Variants in DCC observed in about 807,000 individuals in gnomAD.
The protein encoded by DCC is netrin receptor DCC.
Under a neutral mutation model 172.5 loss-of-function variants are expected in DCC, and 58 were observed. The ratio of observed to expected loss-of-function variants is 0.34; its 90% CI spans 0.27 to 0.42. The LOEUF (loss-of-function observed/expected upper bound fraction) is 0.42, where lower values mean the gene tolerates loss of function less well. Among genes scored for constraint, DCC ranks in the 10% least tolerant of loss-of-function variants. The pLI, the probability that DCC is intolerant of heterozygous loss-of-function variation, is 1.00. For synonymous variants in DCC, 709 were observed against 644.5 expected (o/e 1.10, Z -1.52); for missense variants, 1,740 against 1,791.0 (o/e 0.97, Z 0.51).
At chr18:53,233,059 T>C (rs906383256) in intron 12 of DCC, among the ~76,000 whole-genome samples, 2 of 152,172 alleles carry the variant, frequency 1.3e-5, no homozygotes, top group African/African-American at 4.8e-5. Flanking sequence ...TTTTTGCCTT[T>C]ATACTATCAT....
intron 2 of DCC, among the ~76,000 whole-genome samples, chr18:52,788,913 G>A (rs2037710161): frequency 6.6e-6 from 1 of 152,110 alleles, no homozygotes; most frequent in Non-Finnish European, 1.5e-5. Flanking sequence ...TCATTGCAAG[G>A]CAACCCAAAT....
chr18:52,795,139 C>A (rs2037847760), intron 2 of DCC, among the ~76,000 whole-genome samples: 1 of 151,748 alleles, frequency 6.6e-6, no homozygotes, highest in Admixed American at 6.6e-5. Context: ...TAATTCTGGC[C>A]TTGTAGAATG....
chr18:52,903,618 A>T (rs888378621), intron 2 of DCC, among the ~76,000 whole-genome samples: 2 of 152,236 alleles, frequency 1.3e-5, no homozygotes, highest in African/African-American at 4.8e-5. Context: ...TCTCACCTAC[A>T]TATATTAAAT....
chr18:52,897,762 C>T lies in DCC; in HGVS notation c.413-8282C>T, dbSNP rs376176687. Reference sequence around the variant, plus strand: ...TACCAGACATGCTTACCAGGACTTCCTTTGCAATGTCCACCATAGAGCAAT... The same window carrying T: ...TACCAGACATGCTTACCAGGACTTCTTTTGCAATGTCCACCATAGAGCAAT... On this transcript the variant is annotated intron_variant, in intron 2 of 28. Transcript: ENST00000442544. 6.8e-4 allele frequency among the ~76,000 whole-genome samples: 104 copies of T among 152,318 alleles called. No homozygotes were observed. In the South Asian group the frequency reaches 0.011, roughly 16 times the overall value.
intron 8 of DCC, among the ~76,000 whole-genome samples, chr18:53,165,975 A>G (rs1244636104): frequency 6.6e-6 from 1 of 152,206 alleles, no homozygotes; most frequent in Non-Finnish European, 1.5e-5. Context: ...GAAAGTGGAA[A>G]CTAGAGCAGA....
intron 13 of DCC, among the ~76,000 whole-genome samples, chr18:53,313,954 T>A (rs1159304537): frequency 6.6e-6 from 1 of 152,120 alleles, no homozygotes; most frequent in African/African-American, 2.4e-5. Flanking sequence ...ATTTGAAAAA[T>A]CAAGAAAGTA....
intron 12 of DCC, among the ~76,000 whole-genome samples, chr18:53,259,343 T>C (rs2056564475): frequency 6.6e-6 from 1 of 152,232 alleles, no homozygotes; most frequent in South Asian, 2.1e-4. Context: ...TTGCAGTGTC[T>C]GGTACCAGTT....
chr18:53,303,318 T>C (rs1461961980), intron 12 of DCC, among the ~76,000 whole-genome samples: 1 of 152,230 alleles, frequency 6.6e-6, no homozygotes, highest in Non-Finnish European at 1.5e-5. Flanking sequence ...ATGGATGGAT[T>C]ATCATTTCTT....
intron 7 of DCC, among the ~76,000 whole-genome samples, chr18:53,098,241 G>C (rs990866672): frequency 2.0e-5 from 3 of 151,760 alleles, no homozygotes; most frequent in African/African-American, 7.3e-5. Context: ...GCAATGAAAA[G>C]TTGCAAGAAT....
intron 5 of DCC, chr18:52,935,006 C>T (rs1380145696): frequency 2.0e-5 from 3 of 152,122 alleles, no homozygotes; most frequent in Non-Finnish European, 4.4e-5. Context: ...AACACAACTA[C>T]AGAAAAGGTA....
chr18:52,669,704 T>C (rs1282539572), intron 1 of DCC, among the ~76,000 whole-genome samples: 5 of 152,196 alleles, frequency 3.3e-5, no homozygotes, highest in African/African-American at 1.2e-4. Context: ...TCCTACTGTA[T>C]CAGGCATGCT....
chr18:52,489,753 A>T (rs1025533929), intron 1 of DCC, among the ~76,000 whole-genome samples: 1 of 152,074 alleles, frequency 6.6e-6, no homozygotes, highest in Non-Finnish European at 1.5e-5. Flanking sequence ...CCTAGACAGG[A>T]CTCACAGAAC....
intron 1 of DCC, among the ~76,000 whole-genome samples, chr18:52,366,170 C>T (rs1232926006): frequency 6.6e-6 from 1 of 152,132 alleles, no homozygotes; most frequent in East Asian, 1.9e-4. Context: ...CTATAAACAT[C>T]TATGTTTAAA....
chr18:52,463,376 G>C (rs191857547), intron 1 of DCC, among the ~76,000 whole-genome samples: 47 of 152,260 alleles, frequency 3.1e-4, no homozygotes, highest in Non-Finnish European at 5.9e-5. Context: ...CAGAGATAAA[G>C]AGTCTAGAAG....
chr18:53,101,598 A>G (rs943019295), intron 7 of DCC, among the ~76,000 whole-genome samples: 1 of 152,158 alleles, frequency 6.6e-6, no homozygotes, highest in Non-Finnish European at 1.5e-5. Context: ...TTGATTTCCC[A>G]TAAGGCTACT....
intron 2 of DCC, among the ~76,000 whole-genome samples, chr18:52,844,074 A>G (rs938977130): frequency 1.3e-5 from 2 of 152,116 alleles, no homozygotes; most frequent in Non-Finnish European, 2.9e-5. Context: ...TCTTTGCCCA[A>G]TTTTCTTGTC....
chr18:53,511,386 G>A (rs2046249773), intron 27 of DCC, among the ~76,000 whole-genome samples: 1 of 152,228 alleles, frequency 6.6e-6, no homozygotes, highest in Admixed American at 6.5e-5. Flanking sequence ...TGGGACTTCT[G>A]GAGTCAGGCC....
chr18:52,985,462 A>T (rs2145611528), intron 5 of DCC, among the ~76,000 whole-genome samples: 1 of 152,152 alleles, frequency 6.6e-6, no homozygotes, highest in African/African-American at 2.4e-5. Flanking sequence ...CTTCCTTTGT[A>T]GATAGGCAAT....
chr18:52,578,221 A>G (rs1253479476), intron 1 of DCC, among the ~76,000 whole-genome samples: 1 of 152,200 alleles, frequency 6.6e-6, no homozygotes, highest in African/African-American at 2.4e-5. Context: ...GCAGACAACA[A>G]AAACTGTATT....
Sources: gnomAD v4.1 joint callset for allele counts (sites outside exome capture counted in the v4.1 genomes callset) on GRCh38, gnomAD v4.1.1 for gene constraint, MANE v1.5 for transcripts, NCBI Gene and HGNC (gene_info 2026-07-23, HGNC 2026-07-21) for gene names.